Variants in GFPT1 observed in about 807,000 individuals in gnomAD.
GFPT1 encodes the protein glutamine--fructose-6-phosphate aminotransferase [isomerizing] 1.
GFPT1 carries 40 observed loss-of-function variants against 92.0 expected under a neutral mutation model. That is an observed-to-expected ratio of 0.43 (90% confidence interval 0.34 to 0.57). The LOEUF is 0.57. Ranked by LOEUF, GFPT1 falls within the 20% of genes least tolerant of loss-of-function variation. The probability of loss-of-function intolerance (pLI) is 0.02; values close to 1 mark genes in which losing one functional copy is unlikely to be tolerated. For missense variants in GFPT1, 448 were observed against 869.1 expected (o/e 0.52, Z 6.09); for synonymous variants, 269 against 280.6 (o/e 0.96, Z 0.41).
At chr2:69,329,513 C>T (rs1162491534) in intron 16 of GFPT1, 89 bp from the exon 17 acceptor site, 8 of 1,088,080 alleles carry the variant, frequency 7.4e-6, no homozygotes, top group Middle Eastern at 2.0e-4. Flanking sequence ...ACCAGTGTTT[C>T]TATTCCTCTG....
At chr2:69,344,186 C>CAAAAAAAAAAA (rs10602884) in intron 12 of GFPT1, among the ~76,000 whole-genome samples, 5 of 64,520 alleles carry the variant, frequency 7.7e-5, no homozygotes, top group East Asian at 5.3e-4. Flanking sequence ...AAAAGCAAAG[C>CAAAAAAAAAAA]AAAAAAAAAA....
At chr2:69,343,325 C>A (rs1401921454) in intron 12 of GFPT1, among the ~76,000 whole-genome samples, 3 of 152,136 alleles carry the variant, frequency 2.0e-5, no homozygotes, top group Non-Finnish European at 2.9e-5. Context: ...AGGAGAATGA[C>A]AGGTACCTCC....
intron 1 of GFPT1, among the ~76,000 whole-genome samples, chr2:69,385,384 C>T (rs1020723581): frequency 3.9e-5 from 6 of 152,040 alleles, no homozygotes; most frequent in Admixed American, 1.3e-4. Context: ...TACCACCACG[C>T]CCAGCTAATT....
In GFPT1 at chr2:69,387,188, C is replaced by T; in HGVS notation, c.-117G>A. On this transcript the variant is annotated 5_prime_UTR_variant, in exon 1 of 20. Transcript: ENST00000357308. ...GGGGGCCGGGGTGGCGCCGACACGA[C>T]TCCCTCGGGGATGCGACGGCCAAGG... 2.5e-6 allele frequency: 3 copies of T among 1,188,638 alleles called. No homozygotes were observed. The highest frequency in any genetic ancestry group is 3.1e-5 in the East Asian group (1 of 32,662). The allele number at this position is 1,188,638 out of a possible 1,614,324, so 73.6% of individuals were successfully genotyped here.
At chr2:69,329,592 T>C (rs776921209) in intron 16 of GFPT1, 92 bp downstream of exon 16, 5 of 1,005,188 alleles carry the variant, frequency 5.0e-6, no homozygotes, top group Admixed American at 1.8e-5. Context: ...ATTGACTAAA[T>C]AGCTACAAGC....
chr2:69,369,844 G>A (rs1671699647), intron 3 of GFPT1, among the ~76,000 whole-genome samples, 157 bp downstream of exon 3: 1 of 152,100 alleles, frequency 6.6e-6, no homozygotes. Context: ...AGTCCAGACA[G>A]TAACAAAACT....
intron 6 of GFPT1, among the ~76,000 whole-genome samples, chr2:69,356,820 C>T (rs1228700008): frequency 6.6e-6 from 1 of 151,954 alleles, no homozygotes; most frequent in Non-Finnish European, 1.5e-5. Flanking sequence ...TCACTGCAAC[C>T]CCCAACTCCC....
intron 1 of GFPT1, among the ~76,000 whole-genome samples, chr2:69,375,960 T>C (rs1330058919): frequency 6.6e-6 from 1 of 152,028 alleles, no homozygotes; most frequent in Non-Finnish European, 1.5e-5. Context: ...AGCAGAAGAG[T>C]CTCCAGACCA....
intron 3 of GFPT1, among the ~76,000 whole-genome samples, chr2:69,364,994 C>CAAA (rs58848043): frequency 0.027 from 1,208 of 44,122 alleles, 296 homozygotes; most frequent in African/African-American, 0.088. Context: ...GACTCCCTCT[C>CAAA]AAAAAAAAAA....
At chr2:69,368,503 G>T (rs922414955) in intron 3 of GFPT1, among the ~76,000 whole-genome samples, 1 of 152,062 alleles carries the variant, frequency 6.6e-6, no homozygotes, top group African/African-American at 2.4e-5. Context: ...CGAGGCAGGC[G>T]AATCACTTGA....
intron 1 of GFPT1, among the ~76,000 whole-genome samples, chr2:69,375,111 A>G (rs577362132): frequency 2.0e-5 from 3 of 152,184 alleles, no homozygotes; most frequent in Non-Finnish European, 4.4e-5. Flanking sequence ...GGAAATCCAC[A>G]CTTTTAGGAA....
chr2:69,342,958 A>G (rs1295850791), intron 12 of GFPT1, among the ~76,000 whole-genome samples: 1 of 152,100 alleles, frequency 6.6e-6, no homozygotes, highest in Non-Finnish European at 1.5e-5. Flanking sequence ...CTTCAAACCC[A>G]GCATCTCTCC....
At chr2:69,362,872 A>T (rs1671510282) in intron 4 of GFPT1, among the ~76,000 whole-genome samples, 1 of 152,182 alleles carries the variant, frequency 6.6e-6, no homozygotes, top group South Asian at 2.1e-4. Flanking sequence ...GCATGGAGAA[A>T]GACTATTCCA....
intron 19 of GFPT1, 35 bp downstream of exon 19, chr2:69,326,879 C>G (rs772942481): frequency 6.2e-7 from 1 of 1,608,434 alleles, no homozygotes; most frequent in Non-Finnish European, 8.5e-7. Context: ...AGGTAAAAAA[C>G]CATCCCAAGA....
At chr2:69,337,859 T>G (rs1284043032) in intron 15 of GFPT1, 39 bp downstream of exon 15, 1 of 1,554,516 alleles carries the variant, frequency 6.4e-7, no homozygotes, top group Admixed American at 1.7e-5. Context: ...ACTGACACTA[T>G]GATTAAATAA....
chr2:69,368,993 A>C (rs752095731), intron 3 of GFPT1, among the ~76,000 whole-genome samples: 61 of 152,170 alleles, frequency 4.0e-4, no homozygotes, highest in Non-Finnish European at 7.8e-4. Flanking sequence ...ATGTATTCCC[A>C]GTCTCGTCAA....
chr2:69,354,390 C>CTA, intron 8 of GFPT1, 78 bp from the exon 9 acceptor site: 2 of 1,333,398 alleles, frequency 1.5e-6, no homozygotes, highest in Non-Finnish European at 2.2e-6. Context: ...CTAGACAGAA[C>CTA]TATATATACA....
intron 12 of GFPT1, among the ~76,000 whole-genome samples, chr2:69,344,186 C>CAAAA (rs10602884): frequency 1.4e-3 from 89 of 64,456 alleles, no homozygotes; most frequent in Non-Finnish European, 1.8e-3. Context: ...AAAAGCAAAG[C>CAAAA]AAAAAAAAAA....
chr2:69,380,344 A>G (rs1296010765), intron 1 of GFPT1, among the ~76,000 whole-genome samples: 1 of 152,190 alleles, frequency 6.6e-6, no homozygotes, highest in Non-Finnish European at 1.5e-5. Context: ...TCTGTCTCAA[A>G]AAAATAAAAA....
Sources: gnomAD v4.1 joint callset for allele counts (sites outside exome capture counted in the v4.1 genomes callset) on GRCh38, gnomAD v4.1.1 for gene constraint, MANE v1.5 for transcripts, NCBI Gene and HGNC (gene_info 2026-07-23, HGNC 2026-07-21) for gene names.